The following CSMD2 variants were observed in gnomAD, a reference collection of about 807,000 sequenced individuals.
CSMD2 encodes CUB and sushi domain-containing protein 2.
A neutral mutation model predicts 398.5 loss-of-function variants in CSMD2; 130 were observed. The ratio of observed to expected loss-of-function variants is 0.33; its 90% confidence interval spans 0.28 to 0.38. The LOEUF is 0.38. CSMD2 is among the 10% of genes least tolerant of loss of function. CSMD2 has a pLI of 1.00. For missense variants in CSMD2, 3,829 were observed against 4,764.9 expected (o/e 0.80, Z 5.78); for synonymous variants, 1,828 against 1,908.5 (o/e 0.96, Z 1.10).
chr1:34,040,247 A>G (rs78370141), intron 2 of CSMD2, among the ~76,000 whole-genome samples: 1 of 152,138 alleles, frequency 6.6e-6, no homozygotes, highest in African/African-American at 2.4e-5. Context: ...GCTCTACCCA[A>G]TTGGGATCAT....
intron 44 of CSMD2, among the ~76,000 whole-genome samples, chr1:33,588,371 T>G (rs1417964): frequency 6.7e-6 from 1 of 148,256 alleles, no homozygotes; most frequent in Admixed American, 6.7e-5. Flanking sequence ...TTTTTATATA[T>G]GCATCTTTTA....
intron 6 of CSMD2, among the ~76,000 whole-genome samples, chr1:33,829,951 G>A (rs1333261687): frequency 6.6e-6 from 1 of 152,232 alleles, no homozygotes; most frequent in Non-Finnish European, 1.5e-5. Context: ...CAGCAAGGCG[G>A]GGGGAGGGGC....
chr1:34,029,964 G>A (rs144101345), intron 3 of CSMD2, among the ~76,000 whole-genome samples: 1 of 152,216 alleles, frequency 6.6e-6, no homozygotes, highest in Non-Finnish European at 1.5e-5. Flanking sequence ...CCAGGCAGGT[G>A]GGAGGAGGGA....
chr1:33,561,356 C>G (rs1029834980), intron 53 of CSMD2, among the ~76,000 whole-genome samples: 5 of 152,206 alleles, frequency 3.3e-5, no homozygotes, highest in African/African-American at 1.2e-4. Flanking sequence ...CGGCTCAGCT[C>G]TGCCCCTTCC....
At chr1:34,042,202 C>T (rs574358550) in intron 2 of CSMD2, among the ~76,000 whole-genome samples, 22 of 152,308 alleles carry the variant, frequency 1.4e-4, no homozygotes, top group Middle Eastern at 3.4e-3. Context: ...CAGGGAAAGA[C>T]GGAAGAATTA....
intron 2 of CSMD2, among the ~76,000 whole-genome samples, chr1:34,043,022 C>T (rs967666546): frequency 6.6e-6 from 1 of 152,092 alleles, no homozygotes; most frequent in Non-Finnish European, 1.5e-5. Flanking sequence ...ATCTTCTGAA[C>T]TCGTGATCTG....
At chr1:33,575,725 G>T (rs752141036) in intron 49 of CSMD2, among the ~76,000 whole-genome samples, 1 of 152,206 alleles carries the variant, frequency 6.6e-6, no homozygotes, top group African/African-American at 2.4e-5. Flanking sequence ...AGTTAGAGAC[G>T]CAGAGACCAA....
At position 33,905,522 on chromosome 1, in the gene CSMD2, A is replaced by C. The variant is rs79869883; in HGVS notation, c.920+12572T>G. Among the ~76,000 whole-genome samples, 383 of 152,358 alleles carry C rather than the reference A, an allele frequency of 2.5e-3. 3 individuals are homozygous for C. Among genetic ancestry groups the C allele is most frequent in the African/African-American group, 8.9e-3 (369 of 41,582 alleles). On this transcript the variant is annotated intron_variant, in intron 5 of 70. Transcript: ENST00000373381. ...TGTCAATTTTAGCAAGGTCAGTTTT[A>C]GTGACAAAGCAGGGCAGAAACTGAG...
At chr1:33,849,635 T>C (rs1442546255) in intron 5 of CSMD2, among the ~76,000 whole-genome samples, 2 of 152,088 alleles carry the variant, frequency 1.3e-5, no homozygotes, top group Non-Finnish European at 2.9e-5. Flanking sequence ...ACATTTAAAA[T>C]AGGTAATTTA....
intron 5 of CSMD2, 51 bp from the exon 6 acceptor site, chr1:33,847,047 G>T: frequency 8.0e-7 from 1 of 1,245,750 alleles, no homozygotes; most frequent in Non-Finnish European, 1.2e-6. Context: ...GAGTGGTATA[G>T]GTGTATGAGC....
intron 1 of CSMD2, among the ~76,000 whole-genome samples, chr1:34,135,267 C>T (rs1410745907): frequency 4.0e-5 from 6 of 148,288 alleles, no homozygotes; most frequent in Admixed American, 6.6e-5. Context: ...CACACACACA[C>T]ACACACACAC....
chr1:33,969,665 G>A (rs9425893), intron 3 of CSMD2, among the ~76,000 whole-genome samples: 3,379 of 152,270 alleles, frequency 0.022, 126 homozygotes, highest in African/African-American at 0.076. Flanking sequence ...TTAATGAAAA[G>A]GCAGAAATTC....
At chr1:34,042,758 T>C (rs987104828) in intron 2 of CSMD2, among the ~76,000 whole-genome samples, 3 of 152,180 alleles carry the variant, frequency 2.0e-5, no homozygotes, top group Non-Finnish European at 4.4e-5. Flanking sequence ...CTCATGGCTC[T>C]CTCCCCTTTG....
At chr1:34,098,424 T>TAAAA (rs1558384055) in intron 1 of CSMD2, among the ~76,000 whole-genome samples, 2 of 147,046 alleles carry the variant, frequency 1.4e-5, no homozygotes, top group African/African-American at 2.5e-5. Context: ...AATAAAAAAA[T>TAAAA]AAATAAATAA....
chr1:33,705,832 C>G (rs1435932126), intron 22 of CSMD2, among the ~76,000 whole-genome samples: 1 of 151,286 alleles, frequency 6.6e-6, no homozygotes, highest in African/African-American at 2.4e-5. Context: ...TCCATAATCT[C>G]TCCTATATCT....
intron 40 of CSMD2, among the ~76,000 whole-genome samples, chr1:33,613,041 G>A (rs1355957434): frequency 6.6e-6 from 1 of 152,190 alleles, no homozygotes; most frequent in African/African-American, 2.4e-5. Context: ...GAACTCCAAG[G>A]AAAGAACTGG....
At chr1:33,984,315 A>G (rs933200253) in intron 3 of CSMD2, among the ~76,000 whole-genome samples, 1 of 152,074 alleles carries the variant, frequency 6.6e-6, no homozygotes, top group Non-Finnish European at 1.5e-5. Context: ...TGTAGAGATC[A>G]CTTGTGGATC....
At chr1:33,665,091 G>C (rs1000976147) in intron 25 of CSMD2, among the ~76,000 whole-genome samples, 4 of 152,078 alleles carry the variant, frequency 2.6e-5, no homozygotes, top group African/African-American at 9.7e-5. Context: ...ATATTTACTG[G>C]GCATTTGTAG....
chr1:34,010,650 G>A (rs1030373684), intron 3 of CSMD2, among the ~76,000 whole-genome samples: 16 of 150,310 alleles, frequency 1.1e-4, no homozygotes, highest in East Asian at 3.9e-4. Context: ...ACGGAGTCTC[G>A]CTCTGTAACC....
Sources: gnomAD v4.1 joint callset for allele counts (sites outside exome capture counted in the v4.1 genomes callset) on GRCh38, gnomAD v4.1.1 for gene constraint, MANE v1.5 for transcripts, NCBI Gene and HGNC (gene_info 2026-07-23, HGNC 2026-07-21) for gene names.